STXBP5L: variants seen among roughly 807,000 people sequenced by gnomAD.
STXBP5L encodes syntaxin-binding protein 5-like.
Under a neutral mutation model 144.5 loss-of-function variants are expected in STXBP5L, and 65 were observed. That is an observed-to-expected ratio of 0.45 (90% CI 0.37 to 0.55). The LOEUF (loss-of-function observed/expected upper bound fraction) is 0.55. Ranked by LOEUF, STXBP5L falls within the 20% of genes least tolerant of loss-of-function variation. STXBP5L has a pLI of 0.00. For synonymous variants in STXBP5L, 505 were observed against 469.6 expected (o/e 1.08, Z -0.97); for missense variants, 1,298 against 1,405.5 (o/e 0.92, Z 1.22).
At chr3:121,415,325 C>T (rs1249252616) in intron 24 of STXBP5L, among the ~76,000 whole-genome samples, 2 of 152,142 alleles carry the variant, frequency 1.3e-5, no homozygotes, top group Non-Finnish European at 2.9e-5. Flanking sequence ...CATTGTAAAG[C>T]TCACCAAATA....
intron 3 of STXBP5L, among the ~76,000 whole-genome samples, chr3:121,006,001 TGTG>T (rs1944264029): frequency 6.6e-6 from 1 of 152,160 alleles, no homozygotes; most frequent in Non-Finnish European, 1.5e-5. Flanking sequence ...ATAGGTATGG[TGTG>T]GTGCTGAAAA....
At chr3:121,338,191 G>T (rs529816843) in intron 20 of STXBP5L, among the ~76,000 whole-genome samples, 1 of 151,880 alleles carries the variant, frequency 6.6e-6, no homozygotes, top group African/African-American at 2.4e-5. Flanking sequence ...CAGAATAAAA[G>T]AAATTATAAA....
At chr3:121,060,048 C>G (rs2041186659) in intron 5 of STXBP5L, among the ~76,000 whole-genome samples, 1 of 152,076 alleles carries the variant, frequency 6.6e-6, no homozygotes, top group Admixed American at 6.6e-5. Flanking sequence ...TTGTCTTATG[C>G]TAGTTTTGAA....
chr3:121,400,232 C>G (rs73183177), intron 22 of STXBP5L, among the ~76,000 whole-genome samples: 5,434 of 152,322 alleles, frequency 0.036, 145 homozygotes, highest in Middle Eastern at 0.082. Context: ...CTACCTCTCA[C>G]CCAGGCGATG....
At chr3:120,959,860 C>T in intron 3 of STXBP5L, among the ~76,000 whole-genome samples, 1 of 152,104 alleles carries the variant, frequency 6.6e-6, no homozygotes, top group Non-Finnish European at 1.5e-5. Context: ...GACTTCATGA[C>T]TAAAACACCA....
At chr3:121,177,659 A>G (rs927662012) in intron 9 of STXBP5L, among the ~76,000 whole-genome samples, 5 of 152,198 alleles carry the variant, frequency 3.3e-5, no homozygotes, top group African/African-American at 4.8e-5. Flanking sequence ...AGCAACTGGA[A>G]CATTTGTGCA....
chr3:121,332,203 G>A (rs1473758105), intron 20 of STXBP5L, among the ~76,000 whole-genome samples: 1 of 151,504 alleles, frequency 6.6e-6, no homozygotes, highest in Non-Finnish European at 1.5e-5. Context: ...AGATACTGTA[G>A]TACCCCCAAA....
At chr3:121,149,518 A>G (rs1036773933) in intron 7 of STXBP5L, among the ~76,000 whole-genome samples, 2 of 152,080 alleles carry the variant, frequency 1.3e-5, no homozygotes, top group Non-Finnish European at 2.9e-5. Flanking sequence ...GAGACATAAA[A>G]ATTAGAAAAA....
At chr3:120,970,832 G>A (rs1379930990) in intron 3 of STXBP5L, among the ~76,000 whole-genome samples, 4 of 152,022 alleles carry the variant, frequency 2.6e-5, no homozygotes, top group African/African-American at 7.2e-5. Flanking sequence ...CTTATATTGA[G>A]CACAGGAACT....
intron 9 of STXBP5L, among the ~76,000 whole-genome samples, chr3:121,170,211 T>G (rs1361175313): frequency 1.3e-5 from 2 of 152,070 alleles, no homozygotes; most frequent in Non-Finnish European, 2.9e-5. Context: ...TAGAGGGAAA[T>G]TTATAGCACT....
chr3:121,012,473 A>T (rs980576469), intron 3 of STXBP5L, among the ~76,000 whole-genome samples: 4 of 151,742 alleles, frequency 2.6e-5, no homozygotes, highest in Admixed American at 1.3e-4. Flanking sequence ...TTCCATATGG[A>T]TATCTTTACC....
intron 19 of STXBP5L, among the ~76,000 whole-genome samples, chr3:121,287,834 AAAAG>A (rs772707688): frequency 5.9e-5 from 9 of 152,348 alleles, no homozygotes; most frequent in South Asian, 2.1e-4. Flanking sequence ...ATCTCAAAAA[AAAAG>A]AAAGACCCAC....
intron 7 of STXBP5L, among the ~76,000 whole-genome samples, chr3:121,123,374 A>G (rs2044558141): frequency 6.6e-6 from 1 of 151,686 alleles, no homozygotes; most frequent in African/African-American, 2.4e-5. Context: ...GGTGCAAACT[A>G]TTAAAATAGT....
intron 20 of STXBP5L, among the ~76,000 whole-genome samples, chr3:121,344,851 A>T (rs2044888699): frequency 6.6e-6 from 1 of 151,648 alleles, no homozygotes. Context: ...TGAATTAAGA[A>T]TACATCTTCA....
At chr3:121,303,934 T>C (rs1022839251) in intron 19 of STXBP5L, among the ~76,000 whole-genome samples, 1 of 151,812 alleles carries the variant, frequency 6.6e-6, no homozygotes, top group African/African-American at 2.4e-5. Context: ...TGTTAAATGA[T>C]GAGTTAATGG....
chr3:120,961,231 C>A (rs1185845940), intron 3 of STXBP5L, among the ~76,000 whole-genome samples: 4 of 142,706 alleles, frequency 2.8e-5, no homozygotes, highest in African/African-American at 1.0e-4. Context: ...TCTCTTTGTT[C>A]ACTGAGGTCA....
chr3:121,206,382 T>C (rs773896059), intron 10 of STXBP5L, among the ~76,000 whole-genome samples: 6 of 152,226 alleles, frequency 3.9e-5, no homozygotes, highest in Non-Finnish European at 8.8e-5. Flanking sequence ...AGATCTTACA[T>C]TCTGAAGTTG....
At chr3:120,944,100 C>T (rs1710716220) in intron 2 of STXBP5L, among the ~76,000 whole-genome samples, 1 of 151,180 alleles carries the variant, frequency 6.6e-6, no homozygotes, top group Non-Finnish European at 1.5e-5. Flanking sequence ...AGAGACTGAA[C>T]AGTTAGGATT....
intron 3 of STXBP5L, among the ~76,000 whole-genome samples, chr3:121,040,151 C>A (rs903294062): frequency 6.6e-6 from 1 of 151,972 alleles, no homozygotes; most frequent in East Asian, 1.9e-4. Context: ...TTTTTTACTT[C>A]TCTGCAGTGA....
Sources: gnomAD v4.1 joint callset for allele counts (sites outside exome capture counted in the v4.1 genomes callset) on GRCh38, gnomAD v4.1.1 for gene constraint, MANE v1.5 for transcripts, NCBI Gene and HGNC (gene_info 2026-07-23, HGNC 2026-07-21) for gene names.